DACH1: variants seen among roughly 807,000 people sequenced by gnomAD.
DACH1 encodes dachshund homolog 1.
A neutral mutation model predicts 54.2 loss-of-function variants in DACH1; 12 were observed. The ratio of observed to expected loss-of-function variants is 0.22; its 90% CI spans 0.14 to 0.36. The LOEUF is 0.36. Ranked by LOEUF, DACH1 falls within the 10% of genes least tolerant of loss-of-function variation. The pLI, the probability that DACH1 is intolerant of heterozygous loss-of-function variation, is 1.00. For missense variants in DACH1, 805 were observed against 929.8 expected (o/e 0.87, Z 1.75); for synonymous variants, 386 against 366.2 (o/e 1.05, Z -0.62).
intron 1 of DACH1, among the ~76,000 whole-genome samples, chr13:71,852,709 C>T (rs1873753405): frequency 6.6e-6 from 1 of 152,112 alleles, no homozygotes; most frequent in Non-Finnish European, 1.5e-5. Context: ...ATTTGTTTTG[C>T]ATACTTGTTT....
chr13:71,806,492 T>C (rs955636782), intron 1 of DACH1, among the ~76,000 whole-genome samples: 16 of 152,326 alleles, frequency 1.1e-4, no homozygotes, highest in African/African-American at 3.6e-4. Flanking sequence ...TTGTATTCTA[T>C]TTTTAAATGT....
At chr13:71,533,991 A>C (rs1174496620) in intron 6 of DACH1, among the ~76,000 whole-genome samples, 1 of 152,096 alleles carries the variant, frequency 6.6e-6, no homozygotes, top group Admixed American at 6.6e-5. Flanking sequence ...GGTCGGCTAA[A>C]TAAGGACCAA....
intron 2 of DACH1, among the ~76,000 whole-genome samples, chr13:71,642,521 AC>A (rs1877984303): frequency 6.6e-6 from 1 of 152,200 alleles, no homozygotes; most frequent in East Asian, 1.9e-4. Flanking sequence ...ATTCTTTTTA[AC>A]TTTTCCAAAA....
chr13:71,797,555 G>A (rs985327062), intron 1 of DACH1, among the ~76,000 whole-genome samples: 1 of 152,182 alleles, frequency 6.6e-6, no homozygotes, highest in African/African-American at 2.4e-5. Context: ...CACTGTATTT[G>A]TGTGCTATGA....
chr13:71,559,693 C>A, intron 5 of DACH1, 127 bp downstream of exon 5: 1 of 1,170,388 alleles, frequency 8.5e-7, no homozygotes, highest in Admixed American at 2.1e-5. Context: ...TGAGAGATGG[C>A]TATTGCTACA....
At chr13:71,709,604 A>C (rs1020502616) in intron 1 of DACH1, among the ~76,000 whole-genome samples, 8 of 152,166 alleles carry the variant, frequency 5.3e-5, no homozygotes, top group African/African-American at 1.9e-4. Context: ...AGGGTGTGAA[A>C]AGGCCAGAGT....
At chr13:71,854,328 G>A (rs187227145) in intron 1 of DACH1, among the ~76,000 whole-genome samples, 2 of 151,908 alleles carry the variant, frequency 1.3e-5, no homozygotes, top group East Asian at 3.9e-4. Flanking sequence ...AAAAAATAAA[G>A]GTGGGTTATG....
At chr13:71,551,919 T>C (rs778166773) in intron 6 of DACH1, among the ~76,000 whole-genome samples, 3 of 151,964 alleles carry the variant, frequency 2.0e-5, no homozygotes, top group South Asian at 2.1e-4. Flanking sequence ...ATTGGAGATG[T>C]TGAGCATTGG....
intron 7 of DACH1, among the ~76,000 whole-genome samples, chr13:71,487,071 G>A (rs565723458): frequency 6.8e-4 from 103 of 151,830 alleles, no homozygotes; most frequent in African/African-American, 2.1e-3. Context: ...GGCTGGTCTC[G>A]AACTCCCGAT....
intron 1 of DACH1, among the ~76,000 whole-genome samples, chr13:71,818,101 C>A (rs1401436659): frequency 6.6e-6 from 1 of 152,138 alleles, no homozygotes; most frequent in Admixed American, 6.5e-5. Context: ...GTGTGAGCCA[C>A]CGCACCCAGC....
intron 3 of DACH1, among the ~76,000 whole-genome samples, chr13:71,575,964 G>C (rs1885502779): frequency 6.6e-6 from 1 of 151,888 alleles, no homozygotes; most frequent in Admixed American, 6.6e-5. Context: ...ATTGAAAATA[G>C]GCCACTTCAG....
intron 4 of DACH1, among the ~76,000 whole-genome samples, chr13:71,569,748 G>A (rs1177988658): frequency 6.6e-6 from 1 of 152,020 alleles, no homozygotes; most frequent in Non-Finnish European, 1.5e-5. Flanking sequence ...TTTGCATTTA[G>A]GTTGAGTTTT....
At chr13:71,682,182 C>G (rs935716311) in intron 1 of DACH1, among the ~76,000 whole-genome samples, 2 of 152,154 alleles carry the variant, frequency 1.3e-5, no homozygotes, top group Non-Finnish European at 2.9e-5. Flanking sequence ...TGAATTGCCT[C>G]GTTTGCATAT....
In DACH1 at chr13:71,680,331, G is replaced by C. The variant is rs548573196; in HGVS notation, c.964+1464C>G. Among the ~76,000 whole-genome samples the C allele has an allele frequency of 2.1e-4, 32 of 152,194 alleles. No homozygotes were observed. The East Asian group carries it at 4.3e-3, about 20-fold the overall frequency. On this transcript the variant is annotated intron_variant, in intron 2 of 10. Transcript: ENST00000613252. ...TAAAAACCTTTGGTGGCTGGGTATG[G>C]TGGCTCATGCCCGTAATCCAGGAAC... is the stretch of plus-strand genomic sequence containing the variant.
chr13:71,538,133 C>T (rs1566324755), intron 6 of DACH1, among the ~76,000 whole-genome samples: 1 of 152,002 alleles, frequency 6.6e-6, no homozygotes, highest in African/African-American at 2.4e-5. Context: ...CACACTAGGC[C>T]ACTGCTCTTT....
At chr13:71,663,309 T>A (rs1387479115) in intron 2 of DACH1, among the ~76,000 whole-genome samples, 1 of 152,018 alleles carries the variant, frequency 6.6e-6, no homozygotes, top group East Asian at 1.9e-4. Context: ...GAACTTAGCC[T>A]CTGCTAAACA....
intron 10 of DACH1, among the ~76,000 whole-genome samples, chr13:71,451,217 T>C (rs1322504762): frequency 6.6e-6 from 1 of 152,170 alleles, no homozygotes; most frequent in Non-Finnish European, 1.5e-5. Context: ...ATTGCATTGC[T>C]AAAACCTAAA....
chr13:71,462,794 ATTATAC>A (rs1006426632), intron 10 of DACH1, among the ~76,000 whole-genome samples: 11 of 151,692 alleles, frequency 7.3e-5, no homozygotes, highest in African/African-American at 2.2e-4. Context: ...CACACTTGGT[ATTATAC>A]TTAGTATTAT....
At chr13:71,714,717 T>C (rs1393705071) in intron 1 of DACH1, among the ~76,000 whole-genome samples, 1 of 152,076 alleles carries the variant, frequency 6.6e-6, no homozygotes, top group Non-Finnish European at 1.5e-5. Context: ...TTACTGAAAG[T>C]GCAGGTTAAA....
Sources: gnomAD v4.1 joint callset for allele counts (sites outside exome capture counted in the v4.1 genomes callset) on GRCh38, gnomAD v4.1.1 for gene constraint, MANE v1.5 for transcripts, NCBI Gene and HGNC (gene_info 2026-07-23, HGNC 2026-07-21) for gene names.